The following SOX5 variants were observed in gnomAD, a reference collection of about 807,000 sequenced individuals.
The protein encoded by SOX5 is transcription factor SOX-5.
Under a neutral mutation model 92.0 loss-of-function variants are expected in SOX5, and 9 were observed. That is an observed-to-expected ratio of 0.10 (90% CI 0.06 to 0.17). SOX5 has a LOEUF of 0.17. Among genes scored for constraint, SOX5 ranks in the 10% least tolerant of loss-of-function variants. The pLI is 1.00. For missense variants in SOX5, 642 were observed against 944.5 expected, an observed-to-expected ratio of 0.68 and a Z score of 4.20; for synonymous variants, 344 against 336.3, an observed-to-expected ratio of 1.02 and a Z score of -0.25.
In SOX5 at chr12:23,783,409, T is replaced by C. The variant is rs149940991; in HGVS notation, c.482-27685A>G. Among the ~76,000 whole-genome samples the C allele has an allele frequency of 8.5e-5, 13 of 152,310 alleles. No individual in the cohort carries two copies. The East Asian group carries it at 2.1e-3, about 25-fold the overall frequency. On this transcript the variant is annotated intron_variant, in intron 3 of 14. Transcript: ENST00000451604. Reference sequence around the variant, plus strand: ...TCTGGGGGAAGAACAGATAATCAAATGATAATTTTGTTTGACCAGAAAGAA... The same window carrying C: ...TCTGGGGGAAGAACAGATAATCAAACGATAATTTTGTTTGACCAGAAAGAA...
chr12:24,416,272 C>T (rs947252106), intron 1 of SOX5, among the ~76,000 whole-genome samples: 1 of 152,204 alleles, frequency 6.6e-6, no homozygotes, highest in Admixed American at 6.5e-5. Flanking sequence ...TTTATTCTCC[C>T]CAGGGTGACC....
At position 23,868,997 on chromosome 12, in the gene SOX5, CAT is replaced by C. The variant is rs755142338; in HGVS notation, c.271-22806_271-22805del. ...CCTTTTCAACTTTTTCACATTAAAA[CAT>C]AATCTTTCAGGTCAGGCCCATTCTT... On this transcript the variant is annotated intron_variant, in intron 2 of 14. Transcript: ENST00000451604. 3.3e-5 allele frequency among the ~76,000 whole-genome samples: 5 copies of C among 152,206 alleles called. No individual in the cohort carries two copies. The East Asian group carries it at 9.6e-4, about 29-fold the overall frequency.
chr12:23,872,223 A>G lies in SOX5; in HGVS notation c.270+23570T>C, dbSNP rs1385121296. On this transcript the variant is annotated intron_variant, in intron 2 of 14. Coordinates refer to ENST00000451604, the MANE Select transcript of SOX5 (RefSeq NM_006940.6). Reference sequence around the variant, plus strand: ...GAGAAGGGGTTTCACCGTGTTAGCCAGGATGGTCTCGATCTCCTGACCTCG... The same window carrying G: ...GAGAAGGGGTTTCACCGTGTTAGCCGGGATGGTCTCGATCTCCTGACCTCG... Among the ~76,000 whole-genome samples, 4 of 132,720 alleles carry G rather than the reference A, an allele frequency of 3.0e-5. No individual in the cohort carries two copies. The East Asian group carries it at 9.2e-4, about 30-fold the overall frequency. The allele number at this position is 132,720 out of a possible 152,430, so 87.1% of individuals were successfully genotyped here.
intron 2 of SOX5, among the ~76,000 whole-genome samples, chr12:23,853,575 C>T (rs1341260039): frequency 3.4e-5 from 5 of 148,416 alleles, no homozygotes; most frequent in African/African-American, 1.2e-4. Flanking sequence ...CCAAATGCTC[C>T]TTCAGAGTAT....
At chr12:23,878,185 T>C (rs1030592770) in intron 2 of SOX5, among the ~76,000 whole-genome samples, 2 of 152,068 alleles carry the variant, frequency 1.3e-5, no homozygotes, top group African/African-American at 2.4e-5. Context: ...ATTAGTAGTA[T>C]AGTTTCTTAA....
intron 4 of SOX5, among the ~76,000 whole-genome samples, chr12:23,749,027 A>C (rs1175437707): frequency 6.6e-6 from 1 of 151,956 alleles, no homozygotes; most frequent in African/African-American, 2.4e-5. Context: ...GTCTAAATTT[A>C]TAATGGAAGC....
chr12:24,497,646 C>G (rs895573087), intron 1 of SOX5, among the ~76,000 whole-genome samples: 5 of 152,100 alleles, frequency 3.3e-5, no homozygotes, highest in African/African-American at 1.2e-4. Context: ...TGTGGTGATT[C>G]CTCAAAGATC....
intron 1 of SOX5, among the ~76,000 whole-genome samples, chr12:23,932,467 T>C (rs1941658112): frequency 6.6e-6 from 1 of 151,686 alleles, no homozygotes; most frequent in Non-Finnish European, 1.5e-5. Context: ...TATTACTGTA[T>C]TAATGTTAAC....
chr12:24,151,307 A>T lies in SOX5; in HGVS notation c.-2+62036T>A, dbSNP rs1951628616. Among the ~76,000 whole-genome samples the T allele has an allele frequency of 2.0e-5, 3 of 152,254 alleles. No individual in the cohort carries two copies. The South Asian group carries it at 6.2e-4, about 32-fold the overall frequency. On this transcript the variant is annotated intron_variant, in intron 4 of 4. Coordinates refer to the SOX5 transcript ENST00000446891. ...TAATTTCCCTTTCCAAAGTTTTAGA[A>T]ATATCTGCAAAGGTGTATGTACATA...
At chr12:23,803,979 G>T (rs1482186987) in intron 3 of SOX5, among the ~76,000 whole-genome samples, 1 of 152,258 alleles carries the variant, frequency 6.6e-6, no homozygotes, top group Non-Finnish European at 1.5e-5. Context: ...ACAGACATCT[G>T]TTCAGATACA....
At chr12:23,719,112 T>C (rs967396608) in intron 6 of SOX5, among the ~76,000 whole-genome samples, 35 of 152,308 alleles carry the variant, frequency 2.3e-4, no homozygotes, top group African/African-American at 8.2e-4. Flanking sequence ...GTCCATGGAT[T>C]GGCTTCAATA....
At chr12:23,593,035 C>A (rs569198656) in intron 9 of SOX5, among the ~76,000 whole-genome samples, 1 of 151,968 alleles carries the variant, frequency 6.6e-6, no homozygotes, top group Non-Finnish European at 1.5e-5. Context: ...GCCAAGATCG[C>A]GCCCCTGCAC....
intron 4 of SOX5, among the ~76,000 whole-genome samples, chr12:23,958,486 A>C (rs1235282197): frequency 6.6e-6 from 1 of 152,046 alleles, no homozygotes; most frequent in Non-Finnish European, 1.5e-5. Context: ...AATAATTTTC[A>C]CACAGATTAA....
At chr12:23,962,441 C>G (rs1348901361) in intron 4 of SOX5, among the ~76,000 whole-genome samples, 2 of 152,064 alleles carry the variant, frequency 1.3e-5, no homozygotes, top group African/African-American at 4.8e-5. Context: ...AACATAGGGT[C>G]TCCACGTTAA....
intron 8 of SOX5, chr12:23,632,225 A>G (rs979289276): frequency 3.3e-5 from 5 of 152,134 alleles, no homozygotes; most frequent in African/African-American, 1.2e-4. Flanking sequence ...GGAGAGGAAA[A>G]GAAGGAATTC....
At chr12:23,907,746 CA>C (rs11359160) in intron 1 of SOX5, among the ~76,000 whole-genome samples, 68,755 of 142,682 alleles carry the variant, frequency 0.48, 16,292 homozygotes, top group Non-Finnish European at 0.56. Flanking sequence ...GGTGCATAAG[CA>C]AAAAAAAAAA....
intron 4 of SOX5, among the ~76,000 whole-genome samples, chr12:24,095,164 C>T (rs867603863): frequency 1.1e-5 from 1 of 93,274 alleles, no homozygotes; most frequent in African/African-American, 3.4e-5. Flanking sequence ...GAGACAGAGA[C>T]AGAGAGACAG....
chr12:24,399,059 C>T (rs1252078720), intron 1 of SOX5, among the ~76,000 whole-genome samples: 1 of 152,142 alleles, frequency 6.6e-6, no homozygotes, highest in Non-Finnish European at 1.5e-5. Context: ...TTTTTGGACC[C>T]CCACCAAAAA....
chr12:24,547,000 G>A (rs1014245566), intron 1 of SOX5, among the ~76,000 whole-genome samples: 2 of 151,972 alleles, frequency 1.3e-5, no homozygotes, highest in African/African-American at 2.4e-5. Flanking sequence ...AATATGCTCA[G>A]GAAGACACAC....
Sources: allele counts gnomAD v4.1 joint callset (sites outside exome capture counted in the v4.1 genomes callset), GRCh38; gene constraint gnomAD v4.1.1; transcripts MANE v1.5; gene names NCBI Gene and HGNC (gene_info 2026-07-23, HGNC 2026-07-21).